Variants in DLG2 observed in about 807,000 individuals in gnomAD.
DLG2 encodes disks large homolog 2.
DLG2 carries 45 observed loss-of-function variants against 132.5 expected under a neutral mutation model. The observed-to-expected ratio is 0.34, with a 90% CI of 0.27 to 0.44. The LOEUF (loss-of-function observed/expected upper bound fraction) is 0.44, where lower values mean the gene tolerates loss of function less well. Ranked by LOEUF, DLG2 falls within the 20% of genes least tolerant of loss-of-function variation. DLG2 has a pLI of 1.00. For missense variants in DLG2, 1,045 were observed against 1,196.9 expected (o/e 0.87, Z 1.87); for synonymous variants, 424 against 419.6 (o/e 1.01, Z -0.13).
chr11:84,150,848 A>G (rs1793032), intron 9 of DLG2, among the ~76,000 whole-genome samples: 1,563 of 152,242 alleles, frequency 0.01, 9 homozygotes, highest in Non-Finnish European at 0.016. Flanking sequence ...AGCTTTTTCT[A>G]AATCTATTGA....
chr11:84,010,566 T>C (rs777166241), intron 11 of DLG2, among the ~76,000 whole-genome samples: 1 of 151,990 alleles, frequency 6.6e-6, no homozygotes, highest in Non-Finnish European at 1.5e-5. Flanking sequence ...TCTCCCAAGG[T>C]GATGGGATTA....
intron 18 of DLG2, among the ~76,000 whole-genome samples, chr11:83,713,782 T>C (rs34994208): frequency 0.041 from 6,207 of 152,360 alleles, 174 homozygotes; most frequent in Middle Eastern, 0.092. Flanking sequence ...TCTGTAATTC[T>C]GCACCTGCTT....
chr11:83,800,188 G>A (rs1398415235), intron 17 of DLG2, among the ~76,000 whole-genome samples: 1 of 152,148 alleles, frequency 6.6e-6, no homozygotes, highest in Non-Finnish European at 1.5e-5. Context: ...TAGGAGTCAG[G>A]AGTGCTGAGT....
intron 6 of DLG2, among the ~76,000 whole-genome samples, chr11:84,541,295 T>C (rs760369183): frequency 2.0e-5 from 3 of 152,004 alleles, no homozygotes; most frequent in Non-Finnish European, 4.4e-5. Flanking sequence ...AAGACAGGGA[T>C]GCCTGGTATA....
At chr11:85,099,230 A>AG (rs2070443334) in intron 6 of DLG2, among the ~76,000 whole-genome samples, 1 of 152,202 alleles carries the variant, frequency 6.6e-6, no homozygotes, top group Non-Finnish European at 1.5e-5. Flanking sequence ...AGCTGGCTGT[A>AG]GCTACAGACA....
intron 3 of DLG2, among the ~76,000 whole-genome samples, chr11:85,351,796 C>T (rs368738050): frequency 5.7e-4 from 86 of 152,196 alleles, no homozygotes; most frequent in African/African-American, 1.9e-3. Context: ...TGAAGTGCTG[C>T]TGGATTCAGT....
chr11:85,493,210 A>C (rs994163331), intron 3 of DLG2, among the ~76,000 whole-genome samples: 1 of 152,214 alleles, frequency 6.6e-6, no homozygotes, highest in Non-Finnish European at 1.5e-5. Flanking sequence ...GTATTAGATT[A>C]AAACAAGCAG....
At chr11:84,368,566 G>A (rs1033570032) in intron 7 of DLG2, among the ~76,000 whole-genome samples, 1 of 152,092 alleles carries the variant, frequency 6.6e-6, no homozygotes, top group African/African-American at 2.4e-5. Context: ...CGTATTTGGT[G>A]TTAACATGTG....
At chr11:84,296,494 G>A (rs2098090419) in intron 7 of DLG2, among the ~76,000 whole-genome samples, 1 of 152,122 alleles carries the variant, frequency 6.6e-6, no homozygotes, top group Non-Finnish European at 1.5e-5. Context: ...GGGGTGCAGT[G>A]GTGGTGCAAT....
At chr11:85,396,110 TG>T (rs2087334711) in intron 3 of DLG2, among the ~76,000 whole-genome samples, 1 of 152,170 alleles carries the variant, frequency 6.6e-6, no homozygotes, top group African/African-American at 2.4e-5. Flanking sequence ...CAGCCTCCGC[TG>T]GTGATACCCA....
At chr11:84,389,289 T>C (rs941962484) in intron 7 of DLG2, among the ~76,000 whole-genome samples, 1 of 152,086 alleles carries the variant, frequency 6.6e-6, no homozygotes, top group Admixed American at 6.6e-5. Context: ...AAAGTACATA[T>C]AAATGTGAAA....
At chr11:85,238,420 T>C (rs539493702) in intron 4 of DLG2, among the ~76,000 whole-genome samples, 1 of 151,890 alleles carries the variant, frequency 6.6e-6, no homozygotes, top group Admixed American at 6.6e-5. Flanking sequence ...TTTTTTGTAT[T>C]TTTAGTAGAG....
At chr11:83,739,002 T>A (rs1986844) in intron 18 of DLG2, among the ~76,000 whole-genome samples, 1 of 152,078 alleles carries the variant, frequency 6.6e-6, no homozygotes. Flanking sequence ...GTTCAAATGG[T>A]TCTATTTATA....
intron 4 of DLG2, among the ~76,000 whole-genome samples, chr11:85,256,715 T>C (rs1357463211): frequency 1.3e-5 from 2 of 152,114 alleles, no homozygotes; most frequent in Non-Finnish European, 2.9e-5. Flanking sequence ...CCCCTGTCGA[T>C]GTCGTGTGAG....
chr11:84,625,268 A>G (rs1444033120), intron 6 of DLG2, among the ~76,000 whole-genome samples: 3 of 152,142 alleles, frequency 2.0e-5, no homozygotes, highest in Admixed American at 6.5e-5. Context: ...CTAGGACACT[A>G]TTCATCACAG....
chr11:84,446,508 C>T (rs527612798), intron 7 of DLG2, among the ~76,000 whole-genome samples: 24 of 152,004 alleles, frequency 1.6e-4, no homozygotes, highest in Non-Finnish European at 3.1e-4. Flanking sequence ...TAATTTTGCA[C>T]ATCCCTCTTC....
At chr11:85,381,309 G>A (rs1204716541) in intron 3 of DLG2, among the ~76,000 whole-genome samples, 2 of 152,126 alleles carry the variant, frequency 1.3e-5, no homozygotes, top group Non-Finnish European at 2.9e-5. Flanking sequence ...AAAATTGGTA[G>A]GTTCAAATGC....
intron 3 of DLG2, among the ~76,000 whole-genome samples, chr11:85,290,402 T>A (rs1034386230): frequency 7.9e-5 from 12 of 151,938 alleles, no homozygotes; most frequent in African/African-American, 2.9e-4. Flanking sequence ...AGCTCTCAGG[T>A]GAGGTACATG....
chr11:84,366,518 C>T (rs1473091622), intron 7 of DLG2, among the ~76,000 whole-genome samples: 1 of 152,012 alleles, frequency 6.6e-6, no homozygotes, highest in African/African-American at 2.4e-5. Context: ...CACAGACTGG[C>T]AAATTGGATA....
Sources: allele counts gnomAD v4.1 joint callset (sites outside exome capture counted in the v4.1 genomes callset), GRCh38; gene constraint gnomAD v4.1.1; transcripts MANE v1.5; gene names NCBI Gene and HGNC (gene_info 2026-07-23, HGNC 2026-07-21).